CTNNA2: variants seen among roughly 807,000 people sequenced by gnomAD.
CTNNA2 encodes catenin alpha 2.
A neutral mutation model predicts 101.0 loss-of-function variants in CTNNA2; 42 were observed. That is an observed-to-expected ratio of 0.42 (90% confidence interval 0.32 to 0.54). The LOEUF (loss-of-function observed/expected upper bound fraction) is 0.54. Among genes scored for constraint, CTNNA2 ranks in the 20% least tolerant of loss-of-function variants. The pLI, the probability that CTNNA2 is intolerant of heterozygous loss-of-function variation, is 0.14. For missense variants in CTNNA2, 871 were observed against 1,223.1 expected (o/e 0.71, Z 4.29); for synonymous variants, 450 against 456.4 (o/e 0.99, Z 0.18).
intron 4 of CTNNA2, among the ~76,000 whole-genome samples, chr2:79,464,120 G>A (rs1280802567): frequency 6.6e-6 from 1 of 151,938 alleles, no homozygotes; most frequent in African/African-American, 2.4e-5. Flanking sequence ...ATCTCCTAAT[G>A]CTATCCTCCC....
rs192032210 is a variant in CTNNA2, at chr2:79,638,474, A to T, written c.-5-13078A>T. ...CTGAAATGTCAGTCCTCACTGTGAA[A>T]GACTTCTAGGCAAATATAATTGCTG... On this transcript the variant is annotated intron_variant, in intron 1 of 18. Coordinates refer to ENST00000402739, the MANE Select transcript of CTNNA2 (RefSeq NM_001282597.3). 2.0e-5 allele frequency among the ~76,000 whole-genome samples: 3 copies of T among 152,326 alleles called. No individual in the cohort carries two copies. In the East Asian group the frequency reaches 5.8e-4, roughly 29 times the overall value.
chr2:80,572,213 T>C (rs1475204659), intron 12 of CTNNA2, among the ~76,000 whole-genome samples: 1 of 152,192 alleles, frequency 6.6e-6, no homozygotes, highest in African/African-American at 2.4e-5. Flanking sequence ...AAGTATGAAA[T>C]TACATCTCAT....
chr2:79,185,649 G>A (rs1478325542), intron 1 of CTNNA2: 1 of 152,094 alleles, frequency 6.6e-6, no homozygotes, highest in Non-Finnish European at 1.5e-5. Context: ...ACCTAGATAA[G>A]TACTTCTACA....
intron 7 of CTNNA2, chr2:80,313,523 G>T: frequency 6.2e-7 from 1 of 1,600,394 alleles, no homozygotes; most frequent in South Asian, 1.1e-5. Context: ...CTAGCTAATT[G>T]AGCAAGACCA....
chr2:79,490,817 A>T (rs1671201043), intron 4 of CTNNA2, among the ~76,000 whole-genome samples: 1 of 152,206 alleles, frequency 6.6e-6, no homozygotes, highest in African/African-American at 2.4e-5. Flanking sequence ...GGAGACAAGG[A>T]TGCCAGAAGA....
At chr2:79,745,593 C>G (rs1312175938) in intron 3 of CTNNA2, among the ~76,000 whole-genome samples, 1 of 152,168 alleles carries the variant, frequency 6.6e-6, no homozygotes, top group Non-Finnish European at 1.5e-5. Flanking sequence ...CCATATCCTC[C>G]TCCCTGAAGC....
chr2:79,358,889 C>T (rs1366502629), intron 3 of CTNNA2, among the ~76,000 whole-genome samples: 5 of 152,126 alleles, frequency 3.3e-5, no homozygotes, highest in African/African-American at 1.2e-4. Context: ...TCAGAAGTAG[C>T]ATGGTTTGTG....
At chr2:80,621,789 T>A (rs1451867721) in intron 18 of CTNNA2, among the ~76,000 whole-genome samples, 1 of 151,816 alleles carries the variant, frequency 6.6e-6, no homozygotes, top group Non-Finnish European at 1.5e-5. Flanking sequence ...TGCTCCTGAA[T>A]TTGAGGAATG....
intron 7 of CTNNA2, among the ~76,000 whole-genome samples, chr2:80,261,116 G>T (rs555319596): frequency 2.0e-4 from 31 of 152,230 alleles, no homozygotes; most frequent in Middle Eastern, 3.4e-3. Flanking sequence ...TAGGTAAATT[G>T]TTCAAAACAG....
intron 7 of CTNNA2, among the ~76,000 whole-genome samples, chr2:80,209,867 T>C (rs1054861899): frequency 6.6e-6 from 1 of 152,144 alleles, no homozygotes; most frequent in Admixed American, 6.5e-5. Flanking sequence ...TATATATCAT[T>C]TTTTTGATTA....
intron 7 of CTNNA2, among the ~76,000 whole-genome samples, chr2:80,364,808 T>A (rs868459788): frequency 2.9e-4 from 44 of 152,166 alleles, no homozygotes; most frequent in African/African-American, 1.1e-3. Flanking sequence ...CTGCACAGAT[T>A]TTTAGTCTAT....
chr2:79,756,929 G>C (rs1025269647), intron 3 of CTNNA2, among the ~76,000 whole-genome samples: 2 of 152,194 alleles, frequency 1.3e-5, no homozygotes, highest in African/African-American at 4.8e-5. Context: ...AACTGTTGGT[G>C]ATATGTGGAG....
intron 3 of CTNNA2, among the ~76,000 whole-genome samples, chr2:79,744,957 T>A (rs1446892555): frequency 6.6e-6 from 1 of 152,192 alleles, no homozygotes; most frequent in Non-Finnish European, 1.5e-5. Flanking sequence ...TAAAGTATTA[T>A]AAGAGAATTA....
intron 7 of CTNNA2, among the ~76,000 whole-genome samples, chr2:80,106,885 G>A (rs539086777): frequency 1.1e-4 from 16 of 152,238 alleles, no homozygotes; most frequent in African/African-American, 3.1e-4. Flanking sequence ...GACACACAAC[G>A]CTTGTCCTTT....
chr2:79,851,476 A>G (rs1484713155), intron 3 of CTNNA2, among the ~76,000 whole-genome samples: 1 of 152,162 alleles, frequency 6.6e-6, no homozygotes, highest in African/African-American at 2.4e-5. Flanking sequence ...AGAACTGGCT[A>G]AGGCTTTGGG....
Position 79,316,223 on chromosome 2 carries a change from G to A in CTNNA2, c.-318+3427G>A, listed in dbSNP as rs558635983. Among the ~76,000 whole-genome samples, 7 of 152,116 alleles carry A rather than the reference G, an allele frequency of 4.6e-5. No homozygotes were observed. The South Asian group carries it at 1.4e-3, about 31-fold the overall frequency. ...AATATAATTATTTCCCCATTGAATT[G>A]TATTGACACCTTTGTTAAAATCCAA... On this transcript the variant is annotated intron_variant, in intron 3 of 21. Transcript: ENST00000466387.
intron 2 of CTNNA2, among the ~76,000 whole-genome samples, chr2:79,262,583 T>C (rs1236781461): frequency 1.3e-5 from 2 of 151,986 alleles, no homozygotes; most frequent in African/African-American, 4.8e-5. Context: ...ATTCAGCGGC[T>C]CCCAAAGTAT....
intron 1 of CTNNA2, among the ~76,000 whole-genome samples, chr2:79,518,147 T>G (rs895908622): frequency 7.9e-5 from 12 of 152,258 alleles, no homozygotes; most frequent in South Asian, 6.2e-4. Context: ...TTTTTAAAAC[T>G]AGAGCATGGA....
intron 7 of CTNNA2, among the ~76,000 whole-genome samples, chr2:80,385,025 A>C (rs1676868821): frequency 6.6e-6 from 1 of 152,144 alleles, no homozygotes; most frequent in African/African-American, 2.4e-5. Context: ...CAGGAGGCCA[A>C]GTGTGTCATT....
Sources: allele counts gnomAD v4.1 joint callset (sites outside exome capture counted in the v4.1 genomes callset), GRCh38; gene constraint gnomAD v4.1.1; transcripts MANE v1.5; gene names NCBI Gene and HGNC (gene_info 2026-07-23, HGNC 2026-07-21).